Variants in IQCM observed in about 807,000 individuals in gnomAD.
IQCM encodes the protein IQ motif containing M.
In IQCM, 45 loss-of-function variants were observed where a neutral mutation model predicts 57.6. The observed-to-expected ratio is 0.78, with a 90% CI of 0.62 to 1.00. The LOEUF is 1.00. IQCM is among the 50% of genes least tolerant of loss of function. The probability of loss-of-function intolerance (pLI) is 0.00; values close to 1 mark genes in which losing one functional copy is unlikely to be tolerated. For synonymous variants in IQCM, 148 were observed against 158.9 expected (o/e 0.93, Z 0.51); for missense variants, 468 against 511.6 (o/e 0.91, Z 0.82).
At chr4:149,760,661 CAG>C (rs199748334) in intron 2 of IQCM, among the ~76,000 whole-genome samples, 1,908 of 151,936 alleles carry the variant, frequency 0.013, 15 homozygotes, top group South Asian at 0.018. Flanking sequence ...CCAATGAACT[CAG>C]TGTTATATTC....
intron 2 of IQCM, among the ~76,000 whole-genome samples, chr4:149,814,435 G>A (rs763478409): frequency 3.3e-5 from 5 of 151,832 alleles, no homozygotes; most frequent in African/African-American, 1.2e-4. Context: ...AGTCCATTCT[G>A]AAAGAACAAC....
chr4:149,807,613 G>A (rs1405202748), intron 2 of IQCM, among the ~76,000 whole-genome samples: 3 of 151,920 alleles, frequency 2.0e-5, no homozygotes, highest in South Asian at 2.1e-4. Flanking sequence ...GTTTCTGCAC[G>A]CAAAGGAAAC....
intron 13 of IQCM, among the ~76,000 whole-genome samples, chr4:149,417,280 T>C (rs1014041144): frequency 5.9e-5 from 9 of 152,166 alleles, no homozygotes; most frequent in Non-Finnish European, 1.2e-4. Flanking sequence ...TCTGGCCTTG[T>C]CCTTAAGAAT....
intron 13 of IQCM, among the ~76,000 whole-genome samples, chr4:149,400,574 T>C (rs1259592422): frequency 6.6e-6 from 1 of 152,048 alleles, no homozygotes; most frequent in East Asian, 1.9e-4. Flanking sequence ...AATTCAATTT[T>C]TGATAACTTG....
chr4:149,747,735 G>T (rs1054570592), intron 2 of IQCM, among the ~76,000 whole-genome samples: 5 of 152,190 alleles, frequency 3.3e-5, no homozygotes, highest in African/African-American at 1.2e-4. Flanking sequence ...TATCAGGCTA[G>T]CTAGGAACGC....
At chr4:149,757,730 T>C (rs1424403847) in intron 2 of IQCM, among the ~76,000 whole-genome samples, 1 of 121,000 alleles carries the variant, frequency 8.3e-6, no homozygotes, top group Non-Finnish European at 1.7e-5. Context: ...GATATATTCC[T>C]GATATTATAT....
intron 12 of IQCM, among the ~76,000 whole-genome samples, chr4:149,466,623 A>G (rs1214079353): frequency 6.6e-6 from 1 of 152,214 alleles, no homozygotes; most frequent in African/African-American, 2.4e-5. Context: ...GGGAAGACAG[A>G]TGAGATTTGT....
chr4:149,357,984 G>C (rs1210065654), intron 13 of IQCM, among the ~76,000 whole-genome samples: 1 of 152,152 alleles, frequency 6.6e-6, no homozygotes, highest in African/African-American at 2.4e-5. Context: ...GAGAGTGTAT[G>C]TGTCGAGGAA....
intron 12 of IQCM, among the ~76,000 whole-genome samples, chr4:149,533,299 T>G (rs1280628958): frequency 6.6e-6 from 1 of 152,060 alleles, no homozygotes; most frequent in African/African-American, 2.4e-5. Flanking sequence ...AAGAAATAAA[T>G]AAGCATCTCT....
chr4:149,654,576 T>C (rs927949108), intron 7 of IQCM, among the ~76,000 whole-genome samples: 6 of 152,318 alleles, frequency 3.9e-5, no homozygotes, highest in Middle Eastern at 3.4e-3. Context: ...TGCAGAACCA[T>C]AAGCCAATTA....
At chr4:149,353,112 C>T (rs1728690058) in intron 13 of IQCM, among the ~76,000 whole-genome samples, 1 of 151,886 alleles carries the variant, frequency 6.6e-6, no homozygotes, top group Non-Finnish European at 1.5e-5. Context: ...TAAATTGGGC[C>T]ACTTTAAAAA....
At chr4:149,387,004 T>C (rs1027868463) in intron 13 of IQCM, among the ~76,000 whole-genome samples, 1 of 152,060 alleles carries the variant, frequency 6.6e-6, no homozygotes, top group African/African-American at 2.4e-5. Context: ...CTACCCCTTA[T>C]TGATGCTAAA....
intron 2 of IQCM, among the ~76,000 whole-genome samples, chr4:149,805,796 T>C (rs76199595): frequency 0.029 from 4,341 of 152,154 alleles, 213 homozygotes; most frequent in African/African-American, 0.099. Flanking sequence ...TTATTTTTCA[T>C]CTAATTCTTG....
intron 13 of IQCM, among the ~76,000 whole-genome samples, chr4:149,355,637 C>A (rs1471813076): frequency 6.6e-6 from 1 of 152,140 alleles, no homozygotes; most frequent in African/African-American, 2.4e-5. Context: ...TTAATCTAGT[C>A]TATCATTGTT....
intron 7 of IQCM, among the ~76,000 whole-genome samples, chr4:149,650,236 C>T (rs1759036715): frequency 2.6e-5 from 4 of 151,908 alleles, no homozygotes; most frequent in Admixed American, 2.6e-4. Flanking sequence ...CAAAGACACA[C>T]AGGAAGACAG....
chr4:149,502,139 A>ATT, intron 12 of IQCM, among the ~76,000 whole-genome samples: 1 of 142,900 alleles, frequency 7.0e-6, no homozygotes, highest in Non-Finnish European at 1.6e-5. Flanking sequence ...ATTTTTTATA[A>ATT]TTATATATAT....
chr4:149,659,946 A>G (rs1007736769), intron 7 of IQCM, among the ~76,000 whole-genome samples: 1 of 151,830 alleles, frequency 6.6e-6, no homozygotes, highest in African/African-American at 2.4e-5. Context: ...CTAAAACACC[A>G]AAAGCAATGG....
At chr4:149,445,061 ATTCATTATTT>A in intron 12 of IQCM, among the ~76,000 whole-genome samples, 1 of 151,942 alleles carries the variant, frequency 6.6e-6, no homozygotes, top group Non-Finnish European at 1.5e-5. Context: ...TAGTTACAAT[ATTCATTATTT>A]TCCTTTAACC....
intron 2 of IQCM, among the ~76,000 whole-genome samples, chr4:149,785,816 A>G (rs1403907328): frequency 2.1e-5 from 3 of 145,334 alleles, no homozygotes; most frequent in Non-Finnish European, 3.0e-5. Context: ...CCCTTTAAAA[A>G]TGTAAAAAAA....
Sources: gnomAD v4.1 joint callset for allele counts (sites outside exome capture counted in the v4.1 genomes callset) on GRCh38, gnomAD v4.1.1 for gene constraint, MANE v1.5 for transcripts, NCBI Gene and HGNC (gene_info 2026-07-23, HGNC 2026-07-21) for gene names.